ITPR1: variants seen among roughly 807,000 people sequenced by gnomAD.
The protein encoded by ITPR1 is inositol 1,4,5-trisphosphate receptor type 1.
In ITPR1, 96 loss-of-function variants were observed where a neutral mutation model predicts 318.4. The observed-to-expected ratio is 0.30, with a 90% confidence interval of 0.26 to 0.36. The LOEUF (loss-of-function observed/expected upper bound fraction) is 0.36. ITPR1 is among the 10% of genes least tolerant of loss of function. The pLI is 1.00. For synonymous variants in ITPR1, 1,312 were observed against 1,289.9 expected (o/e 1.02, Z -0.37); for missense variants, 2,440 against 3,460.2 (o/e 0.71, Z 7.40).
At chr3:4,495,101 A>T (rs2080446478) in intron 2 of ITPR1, among the ~76,000 whole-genome samples, 1 of 152,148 alleles carries the variant, frequency 6.6e-6, no homozygotes, top group East Asian at 1.9e-4. Context: ...CCCGTGGTGG[A>T]ATATGAGCTG....
At chr3:4,684,996 G>T in intron 29 of ITPR1, 73 bp from the exon 30 acceptor site, 1 of 1,490,912 alleles carries the variant, frequency 6.7e-7, no homozygotes, top group Non-Finnish European at 9.2e-7. Flanking sequence ...CTCCCTGCCC[G>T]CCACCACCCT....
intron 4 of ITPR1, among the ~76,000 whole-genome samples, chr3:4,619,822 CCTCCT>C (rs1225286791): frequency 1.0e-5 from 1 of 97,334 alleles, no homozygotes; most frequent in Admixed American, 1.1e-4. Flanking sequence ...CCTCCCCTCC[CCTCCT>C]CTCCCCTCTC....
At chr3:4,542,688 G>A (rs1005257862) in intron 4 of ITPR1, among the ~76,000 whole-genome samples, 2 of 151,870 alleles carry the variant, frequency 1.3e-5, no homozygotes, top group Admixed American at 6.6e-5. Flanking sequence ...TGTGGCGGGG[G>A]GGTGGGTCTG....
At chr3:4,647,165 G>A (rs2093477145) in intron 10 of ITPR1, among the ~76,000 whole-genome samples, 1 of 148,642 alleles carries the variant, frequency 6.7e-6, no homozygotes, top group Non-Finnish European at 1.5e-5. Flanking sequence ...TTTATGTTCT[G>A]TTTTTTTTTC....
chr3:4,845,562 G>A (rs538283924), intron 61 of ITPR1, among the ~76,000 whole-genome samples: 14 of 152,310 alleles, frequency 9.2e-5, no homozygotes, highest in African/African-American at 4.8e-5. Flanking sequence ...AATAGATACC[G>A]TGAATGGTCA....
intron 53 of ITPR1, 25 bp downstream of exon 53, chr3:4,795,212 A>C (rs572727889): frequency 1.2e-6 from 2 of 1,607,576 alleles, no homozygotes; most frequent in African/African-American, 2.7e-5. Context: ...AACTTCAAAA[A>C]TCCTATTAGA....
intron 60 of ITPR1, among the ~76,000 whole-genome samples, chr3:4,825,523 T>C (rs2050015075): frequency 6.6e-6 from 1 of 152,194 alleles, no homozygotes; most frequent in Non-Finnish European, 1.5e-5. Flanking sequence ...GCAAATAAGT[T>C]CTATTAGCTA....
At chr3:4,824,905 C>T (rs974870084) in intron 60 of ITPR1, among the ~76,000 whole-genome samples, 25 of 152,132 alleles carry the variant, frequency 1.6e-4, no homozygotes, top group Admixed American at 2.6e-4. Flanking sequence ...TAATTTTGAC[C>T]TGCTGAAATA....
intron 4 of ITPR1, among the ~76,000 whole-genome samples, chr3:4,546,621 G>T (rs2085034906): frequency 6.6e-6 from 1 of 152,130 alleles, no homozygotes; most frequent in Admixed American, 6.5e-5. Context: ...AGTGTCCTTT[G>T]TGTTGTTTCC....
At chr3:4,611,752 A>G (rs937396956) in intron 4 of ITPR1, among the ~76,000 whole-genome samples, 2 of 152,226 alleles carry the variant, frequency 1.3e-5, no homozygotes. Flanking sequence ...TCAAAAAATA[A>G]ACGAAAATAA....
intron 2 of ITPR1, among the ~76,000 whole-genome samples, chr3:4,500,021 C>T (rs77130143): frequency 2.0e-5 from 3 of 152,132 alleles, no homozygotes; most frequent in Admixed American, 6.5e-5. Flanking sequence ...TTAGTTCTCT[C>T]GTCAGTGAGA....
intron 57 of ITPR1, among the ~76,000 whole-genome samples, 198 bp downstream of exon 57, chr3:4,813,432 A>G (rs867960517): frequency 2.6e-5 from 4 of 152,324 alleles, no homozygotes; most frequent in Middle Eastern, 6.8e-3. Flanking sequence ...GATTCAGCCG[A>G]TTTATACTGA....
chr3:4,614,569 T>C (rs2092309393), intron 4 of ITPR1, among the ~76,000 whole-genome samples: 1 of 152,224 alleles, frequency 6.6e-6, no homozygotes, highest in African/African-American at 2.4e-5. Context: ...CCCCAAATCA[T>C]ACAGCTCACA....
intron 4 of ITPR1, among the ~76,000 whole-genome samples, chr3:4,589,461 A>T (rs6808180): frequency 2.3e-4 from 35 of 151,988 alleles, no homozygotes; most frequent in African/African-American, 8.0e-4. Context: ...GCAAATCTCA[A>T]CCCCTCTCCT....
intron 4 of ITPR1, among the ~76,000 whole-genome samples, chr3:4,538,156 T>C (rs2084053403): frequency 1.3e-5 from 2 of 152,178 alleles, no homozygotes; most frequent in South Asian, 4.1e-4. Flanking sequence ...TCTTAATCTA[T>C]AAATTCCCTT....
At chr3:4,651,295 T>A (rs888774513) in intron 10 of ITPR1, among the ~76,000 whole-genome samples, 3 of 152,174 alleles carry the variant, frequency 2.0e-5, no homozygotes, top group African/African-American at 4.8e-5. Flanking sequence ...CCAGAGCTTT[T>A]TCTGTGTGTA....
Position 4,565,346 on chromosome 3 carries a change from C to T in ITPR1, c.163+44252C>T, listed in dbSNP as rs1453452233. On this transcript the variant is annotated intron_variant, in intron 4 of 61. Transcript: ENST00000649015. ...GCCCTAGCCACTAATAGCACCTCCA[C>T]GTAAAAGGTTTCTCATTGTGAGGTT... Among the ~76,000 whole-genome samples the T allele has an allele frequency of 5.9e-5, 9 of 152,294 alleles. 1 individual carries two copies. Among genetic ancestry groups the T allele is most frequent in the South Asian group, 2.1e-4 (1 of 4,816 alleles).
intron 52 of ITPR1, among the ~76,000 whole-genome samples, chr3:4,790,278 T>G (rs536919734): frequency 2.6e-5 from 4 of 152,304 alleles, no homozygotes; most frequent in African/African-American, 9.6e-5. Context: ...GACAAATGGC[T>G]TAACTGCTCC....
intron 53 of ITPR1, among the ~76,000 whole-genome samples, chr3:4,797,933 C>T (rs931613523): frequency 6.6e-6 from 1 of 152,162 alleles, no homozygotes; most frequent in African/African-American, 2.4e-5. Context: ...ACAGCAAATC[C>T]TGTAATAGCC....
Sources: gnomAD v4.1 joint callset for allele counts (sites outside exome capture counted in the v4.1 genomes callset) on GRCh38, gnomAD v4.1.1 for gene constraint, MANE v1.5 for transcripts, NCBI Gene and HGNC (gene_info 2026-07-23, HGNC 2026-07-21) for gene names.